VSTM1: variants seen among roughly 807,000 people sequenced by gnomAD.
VSTM1 encodes V-set and transmembrane domain-containing protein 1.
In VSTM1, 27 loss-of-function variants were observed where a neutral mutation model predicts 33.1. The ratio of observed to expected loss-of-function variants is 0.82; its 90% CI spans 0.60 to 1.12. The LOEUF (loss-of-function observed/expected upper bound fraction) is 1.12. Among genes scored for constraint, VSTM1 ranks in the 50% most tolerant of loss-of-function variants. The probability of loss-of-function intolerance (pLI) is 0.00; values close to 1 mark genes in which losing one functional copy is unlikely to be tolerated. For synonymous variants in VSTM1, 115 were observed against 110.3 expected, an observed-to-expected ratio of 1.04 and a Z score of -0.27; for missense variants, 304 against 288.9, an observed-to-expected ratio of 1.05 and a Z score of -0.38.
At position 54,041,785 on chromosome 19, in the gene VSTM1, A is replaced by T; in HGVS notation, c.585T>A (p.Ser195=). ...CCTAAGCGGGAGGACTCACCGAGAG[A>T]GATACCCTTTCCATATTGGATAAAT... The part of the protein sequence containing the change: ...EADLSNMERV[S]LSTADPQGVT... The change falls in exon 8 of 9, where the codon TCT becomes TCA. Residue 195 remains serine (S), a synonymous_variant. Transcript: ENST00000338372. 1 of 1,613,436 alleles carries T rather than the reference A, an allele frequency of 6.2e-7. No homozygotes were observed. The highest frequency in any genetic ancestry group is 1.7e-5 in the Admixed American group (1 of 59,906).
chr19:54,045,729 A>G (rs2070546768), intron 4 of VSTM1, among the ~76,000 whole-genome samples: 1 of 151,856 alleles, frequency 6.6e-6, no homozygotes, highest in Non-Finnish European at 1.5e-5. Context: ...TAATTTTTCT[A>G]TCTTGCAACT....
Position 54,042,363 on chromosome 19 carries a change from C to T in VSTM1, c.401G>A (p.Arg134Lys). 1.2e-6 allele frequency: 2 copies of T among 1,613,348 alleles called. No individual in the cohort carries two copies. The highest frequency in any genetic ancestry group is 1.7e-4 in the Middle Eastern group (1 of 5,900). The change falls in exon 5 of 9, where the codon AGA (arginine) becomes AAA (lysine). Residue 134 changes from arginine to lysine, a missense_variant. Transcript: ENST00000338372. ...GCTGAAGATGGCGACAAAGATGGTT[C>T]TGGTGTCTGGAGGGGGAAGAGCAGG... Reference protein sequence around the residue: ...LEAPSMKTDTRTIFVAIFSCI... With the variant: ...LEAPSMKTDTKTIFVAIFSCI...
At chr19:54,058,112 C>T (rs1328544747) in intron 3 of VSTM1, among the ~76,000 whole-genome samples, 194 bp downstream of exon 3, 2 of 151,332 alleles carry the variant, frequency 1.3e-5, no homozygotes, top group African/African-American at 2.4e-5. Context: ...TGGTGGCGGG[C>T]GCCTGTAGTC....
chr19:54,062,202 G>A (rs2071426596), intron 1 of VSTM1, among the ~76,000 whole-genome samples: 1 of 151,962 alleles, frequency 6.6e-6, no homozygotes, highest in Admixed American at 6.6e-5. Context: ...CTAGAAGAGG[G>A]GCATAAAACA....
intron 1 of VSTM1, among the ~76,000 whole-genome samples, 181 bp from the exon 2 acceptor site, chr19:54,058,913 AAATAT>A (rs1280775323): frequency 4.0e-5 from 6 of 148,158 alleles, no homozygotes; most frequent in Non-Finnish European, 8.9e-5. Context: ...ATACATATAT[AAATAT>A]AATATATATA....
intron 1 of VSTM1, 74 bp downstream of exon 1, chr19:54,063,670 C>T (rs1257672093): frequency 4.4e-6 from 7 of 1,578,150 alleles, no homozygotes; most frequent in African/African-American, 1.4e-5. Flanking sequence ...CACCGCATTT[C>T]CACCTGGACT....
At chr19:54,051,263 G>A in intron 4 of VSTM1, 147 bp downstream of exon 4, 1 of 762,436 alleles carries the variant, frequency 1.3e-6, no homozygotes, top group Non-Finnish European at 2.1e-6. Context: ...CTGTACTCCA[G>A]CCTTGGTGAC....
chr19:54,043,117 A>T (rs2070402966), intron 4 of VSTM1, among the ~76,000 whole-genome samples: 1 of 151,930 alleles, frequency 6.6e-6, no homozygotes, highest in South Asian at 2.1e-4. Context: ...TTGGAGCTGG[A>T]ACTTCCTTGG....
chr19:54,058,610 A>C lies in VSTM1; in HGVS notation c.71-20T>G. On this transcript the variant is annotated intron_variant, in intron 2 of 8. Coordinates refer to ENST00000338372, the MANE Select transcript of VSTM1 (RefSeq NM_198481.4). ...GTTTCTCTGGAAACAATTCAGAGTTAATTTGAGTCTAGAATTCAGACGATT... is the reference window on the plus strand; with the variant it reads ...GTTTCTCTGGAAACAATTCAGAGTTCATTTGAGTCTAGAATTCAGACGATT... 1 of 1,613,140 alleles carries C rather than the reference A, an allele frequency of 6.2e-7. No homozygotes were observed.
At chr19:54,047,923 G>A (rs866140845) in intron 4 of VSTM1, among the ~76,000 whole-genome samples, 5 of 152,238 alleles carry the variant, frequency 3.3e-5, no homozygotes, top group South Asian at 4.1e-4. Flanking sequence ...TAAAGTCAGC[G>A]TGAGCAACAA....
chr19:54,042,242 C>A lies in VSTM1; in HGVS notation c.487+35G>T, dbSNP rs767656282. On this transcript the variant is annotated intron_variant, in intron 5 of 8. Coordinates refer to ENST00000338372, the MANE Select transcript of VSTM1 (RefSeq NM_198481.4). Reference sequence around the variant, plus strand: ...ATTTACCTACCGAGAAAATCCTTCACTCCCCCTCTCTCCCTTTGCGTTCTC... The same window carrying A: ...ATTTACCTACCGAGAAAATCCTTCAATCCCCCTCTCTCCCTTTGCGTTCTC... 6.8e-6 allele frequency: 11 copies of A among 1,613,928 alleles called. No individual in the cohort carries two copies. The South Asian group carries it at 9.9e-5, about 14-fold the overall frequency.
rs1190167378 is a variant in VSTM1, at chr19:54,058,426, C to T, written c.235G>A (p.Ala79Thr). ...TTCAGGTCCGTGAAGGGGAATTCAG[C>T]TTCGTTTTCTGCCGAGCTCTGTTCC... ...KQEQSSAENE[A>T]EFPFTDLKPK... The change falls in exon 3 of 9, where the codon GCT becomes ACT. Residue 79 changes from alanine (A) to threonine (T), a missense_variant. Transcript: ENST00000338372. 6.2e-7 allele frequency: 1 copy of T among 1,613,986 alleles called. No individual in the cohort carries two copies. The highest frequency in any genetic ancestry group is 1.7e-5 in the Admixed American group (1 of 59,970).
chr19:54,051,291 C>T, intron 4 of VSTM1, 119 bp downstream of exon 4: 3 of 993,192 alleles, frequency 3.0e-6, no homozygotes, highest in Non-Finnish European at 4.4e-6. Context: ...GACTCTATCT[C>T]AAAAAACAAA....
Position 54,058,386 on chromosome 19 carries a change from C to G in VSTM1, c.275G>C (p.Gly92Ala). ...PFTDLKPKDAGRYFCAYKTTA... is the reference protein window; with the variant it reads ...PFTDLKPKDAARYFCAYKTTA... ...TGTCTTGTAGGCACAAAAGTACCTC[C>G]CAGCATCCTTAGGCTTCAGGTCCGT... Residue 92 changes from glycine (G) to alanine (A), a missense_variant, in exon 3 of 9, where the codon GGG (glycine) becomes GCG (alanine). Gly to Ala is a moderately conservative substitution (Grantham distance 60). Coordinates refer to ENST00000338372, the MANE Select transcript of VSTM1 (RefSeq NM_198481.4). 2 of 1,614,072 alleles carry G rather than the reference C, an allele frequency of 1.2e-6. No homozygotes were observed. Among genetic ancestry groups the G allele is most frequent in the Non-Finnish European group, 1.7e-6 (2 of 1,179,994 alleles).
intron 4 of VSTM1, among the ~76,000 whole-genome samples, chr19:54,046,407 C>A (rs767371861): frequency 6.6e-6 from 1 of 152,106 alleles, no homozygotes; most frequent in Non-Finnish European, 1.5e-5. Context: ...GGGCAGAGAG[C>A]TAATAATATC....
Position 54,040,879 on chromosome 19 carries a change from A to G in VSTM1, c.*82T>C. 1 of 1,526,164 alleles carries G rather than the reference A, an allele frequency of 6.6e-7. No homozygotes were observed. Among genetic ancestry groups the G allele is most frequent in the Non-Finnish European group, 8.8e-7 (1 of 1,136,668 alleles). The allele number at this position is 1,526,164 out of a possible 1,614,324, so 94.5% of individuals were successfully genotyped here. On this transcript the variant is annotated 3_prime_UTR_variant, in exon 9 of 9. Transcript: ENST00000338372. ...ATTGATATGGACGAAGAGCAAGGAAACACAGTATCTGCATCTCCAGATTTC... is the reference window on the plus strand; with the variant it reads ...ATTGATATGGACGAAGAGCAAGGAAGCACAGTATCTGCATCTCCAGATTTC...
chr19:54,042,299 G>A lies in VSTM1; in HGVS notation c.465C>T (p.Ile155=), dbSNP rs772139495. 4 of 1,614,020 alleles carry A rather than the reference G, an allele frequency of 2.5e-6. No individual in the cohort carries two copies. Among genetic ancestry groups the A allele is most frequent in the Non-Finnish European group, 3.4e-6 (4 of 1,180,002 alleles). Residue 155 remains isoleucine, a synonymous_variant, in exon 5 of 9, where the codon ATC becomes ATT. Coordinates refer to ENST00000338372, the MANE Select transcript of VSTM1 (RefSeq NM_198481.4). Reference sequence around the variant, plus strand: ...CACTGTGCTGGCTGCATCTGTAGATGATGAAGACTGAGAGGAAGAGGAGAA... The same window carrying A: ...CACTGTGCTGGCTGCATCTGTAGATAATGAAGACTGAGAGGAAGAGGAGAA... ...SILLLFLSVF[I]IYRCSQHSSS...
Position 54,057,013 on chromosome 19 carries a change from G to C in VSTM1, c.355+1293C>G, listed in dbSNP as rs1048506147. Among the ~76,000 whole-genome samples, 11 of 139,708 alleles carry C rather than the reference G, an allele frequency of 7.9e-5. 2 individuals carry two copies. Among genetic ancestry groups the C allele is most frequent in the South Asian group, 2.4e-4 (1 of 4,140 alleles). 91.7% of individuals were successfully genotyped at this position (139,708 alleles called of 152,430 possible). Reference sequence around the variant, plus strand: ...TGGGATTACAGGCGCCTGCCACCACGCCCAGCTAATTTTTGTATTTTAAGT... The same window carrying C: ...TGGGATTACAGGCGCCTGCCACCACCCCCAGCTAATTTTTGTATTTTAAGT... On this transcript the variant is annotated intron_variant, in intron 3 of 8. Coordinates refer to ENST00000338372, the MANE Select transcript of VSTM1 (RefSeq NM_198481.4).
Position 54,054,877 on chromosome 19 carries a change from A to G in VSTM1, c.355+3429T>C, listed in dbSNP as rs1382022385. Among the ~76,000 whole-genome samples the G allele has an allele frequency of 2.7e-5, 3 of 111,970 alleles. 1 individual carries two copies. Among genetic ancestry groups the G allele is most frequent in the African/African-American group, 8.9e-5 (3 of 33,664 alleles). The allele number at this position is 111,970 out of a possible 152,430, so 73.5% of individuals were successfully genotyped here. A position where few individuals can be genotyped will look rare whatever the true frequency, so the allele number is the denominator to read the frequency against. Reference sequence around the variant, plus strand: ...GATGGATGGATGGATGGATGGATGGATGGATGAGTTGATGGATAGATGGAT... The same window carrying G: ...GATGGATGGATGGATGGATGGATGGGTGGATGAGTTGATGGATAGATGGAT... On this transcript the variant is annotated intron_variant, in intron 3 of 8. Coordinates refer to ENST00000338372, the MANE Select transcript of VSTM1 (RefSeq NM_198481.4).
Sources: allele counts gnomAD v4.1 joint callset (sites outside exome capture counted in the v4.1 genomes callset), GRCh38; gene constraint gnomAD v4.1.1; transcripts MANE v1.5; gene names NCBI Gene and HGNC (gene_info 2026-07-23, HGNC 2026-07-21).